Variants in SCD observed in about 807,000 individuals in gnomAD.
SCD encodes the protein acyl-CoA desaturase.
In SCD, 4 loss-of-function variants were observed where a neutral mutation model predicts 35.7. That is an observed-to-expected ratio of 0.11 (90% CI 0.06 to 0.26). The LOEUF (loss-of-function observed/expected upper bound fraction) is 0.26. SCD is among the 10% of genes least tolerant of loss of function. The pLI is 1.00. For synonymous variants in SCD, 150 were observed against 170.2 expected (o/e 0.88, Z 0.92); for missense variants, 282 against 460.7 (o/e 0.61, Z 3.55).
chr10:100,356,642 G>A lies in SCD; in HGVS notation c.758G>A (p.Arg253Gln). 2.5e-6 allele frequency: 4 copies of A among 1,614,202 alleles called. No individual in the cohort carries two copies. Among genetic ancestry groups the A allele is most frequent in the Non-Finnish European group, 3.4e-6 (4 of 1,180,020 alleles). ...AGTGTGTTCGTTGCCACTTTCTTGCGATATGCTGTGGTGCTTAATGCCACC... is the reference window on the plus strand; with the variant it reads ...AGTGTGTTCGTTGCCACTTTCTTGCAATATGCTGTGGTGCTTAATGCCACC... Reference protein sequence around the residue: ...QNSVFVATFLRYAVVLNATWL... With the variant: ...QNSVFVATFLQYAVVLNATWL... The change falls in exon 5 of 6, where the codon CGA becomes CAA. Residue 253 changes from arginine to glutamine, a missense_variant. Transcript: ENST00000370355. This position sits in a 1 kb window ranked among gnomAD's most constrained non-coding sequence, Gnocchi z 4.1.
At chr10:100,354,677 G>T (rs751552505) in intron 4 of SCD, 45 bp downstream of exon 4, 2 of 1,453,072 alleles carry the variant, frequency 1.4e-6, no homozygotes, top group African/African-American at 2.8e-5. Flanking sequence ...CCTGGCACCT[G>T]GTCATTAGGG....
In SCD at chr10:100,347,544, G is replaced by A; in HGVS notation, c.27+13G>A. ...GCTGCAGGACGATGTGAGTTTCCCA[G>A]CCTGGCCCCGTACCGCCGGGTCGCA... On this transcript the variant is annotated intron_variant, in intron 1 of 5. Coordinates refer to ENST00000370355, the MANE Select transcript of SCD (RefSeq NM_005063.5). The A allele has an allele frequency of 3.1e-6, 5 of 1,613,902 alleles. No homozygotes were observed. The highest frequency in any genetic ancestry group is 4.2e-6 in the Non-Finnish European group (5 of 1,179,962).
At chr10:100,351,618 T>G (rs1849873417) in intron 2 of SCD, among the ~76,000 whole-genome samples, 2 of 152,074 alleles carry the variant, frequency 1.3e-5, no homozygotes, top group African/African-American at 4.8e-5. Flanking sequence ...CTTCTCAAAT[T>G]GGTCAGTGCC....
At chr10:100,360,710 C>T (rs200413417) in intron 5 of SCD, 24 bp from the exon 6 acceptor site, 3 of 1,611,030 alleles carry the variant, frequency 1.9e-6, no homozygotes, top group African/African-American at 1.3e-5. Flanking sequence ...ACCGTCACTC[C>T]ATAACTTCTC....
At chr10:100,348,437 C>A in intron 2 of SCD, 91 bp downstream of exon 2, 4 of 1,303,962 alleles carry the variant, frequency 3.1e-6, no homozygotes, top group Non-Finnish European at 4.2e-6. Context: ...ACCAGCCCCT[C>A]CCAGCCTCCC....
At chr10:100,358,016 TG>T (rs1849945974) in intron 5 of SCD, among the ~76,000 whole-genome samples, 1 of 152,160 alleles carries the variant, frequency 6.6e-6, no homozygotes, top group Non-Finnish European at 1.5e-5. Flanking sequence ...TTTAAATTGT[TG>T]TTGAGACAGT....
At chr10:100,354,708 A>T in intron 4 of SCD, 76 bp downstream of exon 4, 1 of 1,134,270 alleles carries the variant, frequency 8.8e-7, no homozygotes, top group Non-Finnish European at 1.3e-6. Context: ...TTCTCCTGAG[A>T]CTTTCAAAAT....
chr10:100,349,304 G>A (rs1327878891), intron 2 of SCD, among the ~76,000 whole-genome samples: 1 of 152,196 alleles, frequency 6.6e-6, no homozygotes, highest in Non-Finnish European at 1.5e-5. Context: ...CATGCGCTTT[G>A]CAGGCTTTTT....
chr10:100,360,845 G>C lies in SCD; in HGVS notation c.992G>C (p.Gly331Ala). The C allele has an allele frequency of 6.2e-7, 1 of 1,613,926 alleles. No homozygotes were observed. The highest frequency in any genetic ancestry group is 1.1e-5 in the South Asian group (1 of 91,076). Residue 331 changes from glycine to alanine, a missense_variant, in exon 6 of 6, where the codon GGT becomes GCT. Coordinates refer to ENST00000370355, the MANE Select transcript of SCD (RefSeq NM_005063.5). ...TTCATTGATTGCATGGCCGCCCTCGGTCTGGCCTATGACCGGAAGAAAGTC... is the reference window on the plus strand; with the variant it reads ...TTCATTGATTGCATGGCCGCCCTCGCTCTGGCCTATGACCGGAAGAAAGTC... ...TFFIDCMAAL[G>A]LAYDRKKVSK...
At chr10:100,349,677 A>G (rs923366301) in intron 2 of SCD, among the ~76,000 whole-genome samples, 3 of 152,172 alleles carry the variant, frequency 2.0e-5, no homozygotes, top group Non-Finnish European at 4.4e-5. Flanking sequence ...GGAAGGTAGC[A>G]TTCCTTGGGT....
Position 100,360,722 on chromosome 10 carries a change from C to A in SCD, c.881-12C>A. 6.2e-7 allele frequency: 1 copy of A among 1,613,688 alleles called. No homozygotes were observed. The highest frequency in any genetic ancestry group is 2.2e-5 in the East Asian group (1 of 44,882). On this transcript the variant is annotated splice_polypyrimidine_tract_variant and intron_variant, in intron 5 of 5. Coordinates refer to ENST00000370355, the MANE Select transcript of SCD (RefSeq NM_005063.5). ...TGCACCGTCACTCCATAACTTCTCG[C>A]TTTTGTTTCAGGTGAGGGCTTCCAC... is the stretch of plus-strand genomic sequence containing the variant.
rs1298574792 is a variant in SCD at position 100,361,770 on chromosome 10, G to A, written c.*837G>A. On this transcript the variant is annotated 3_prime_UTR_variant, in exon 6 of 6. Coordinates refer to ENST00000370355, the MANE Select transcript of SCD (RefSeq NM_005063.5). ...CTTTTCTTTTTTTCTTTAATAACAA[G>A]GAGATTTCTTAGTTCATATATCAAG... The A allele has an allele frequency of 6.6e-6, 1 of 152,166 alleles. No individual in the cohort carries two copies. The highest frequency in any genetic ancestry group is 1.5e-5 in the Non-Finnish European group (1 of 68,030). 9.4% of individuals were successfully genotyped at this position (152,166 alleles called of 1,614,324 possible).
At position 100,362,163 on chromosome 10, in the gene SCD, G is replaced by A. The variant is rs1429564831; in HGVS notation, c.*1230G>A. 1 of 152,188 alleles carries A rather than the reference G, an allele frequency of 6.6e-6. No individual in the cohort carries two copies. The highest frequency in any genetic ancestry group is 2.4e-5 in the African/African-American group (1 of 41,442). 9.4% of individuals were successfully genotyped at this position (152,188 alleles called of 1,614,324 possible). On this transcript the variant is annotated 3_prime_UTR_variant, in exon 6 of 6. Transcript: ENST00000370355. ...GCTGGACATGAGATGGAGAGGCTGA[G>A]GGACAGGATCTATAGGCAGCTTCTA...
In SCD at chr10:100,354,433, G is replaced by A. The variant is rs771551568; in HGVS notation, c.448G>A (p.Val150Ile). 6.2e-6 allele frequency: 10 copies of A among 1,613,468 alleles called. No individual in the cohort carries two copies. In the South Asian group the frequency reaches 8.8e-5, roughly 14 times the overall value. Residue 150 changes from valine (V) to isoleucine (I), a missense_variant, in exon 4 of 6, where the codon GTC becomes ATC. Val to Ile is a conservative substitution (Grantham distance 29, BLOSUM62 3). This residue lies in a region of SCD where 205 missense variants were observed against 372.3 expected (regional missense o/e 0.55). Coordinates refer to ENST00000370355, the MANE Select transcript of SCD (RefSeq NM_005063.5). ...CTCTTCTCTCTCTCCCCAGAATGAT[G>A]TCTATGAATGGGCTCGTGACCACCG... is the stretch of plus-strand genomic sequence containing the variant. ...IANTMAFQND[V>I]YEWARDHRAH...
chr10:100,347,590 G>C, intron 1 of SCD, 59 bp downstream of exon 1: 2 of 1,604,362 alleles, frequency 1.2e-6, no homozygotes, highest in South Asian at 2.2e-5. Context: ...GGGCTTCCAG[G>C]GGACGGGTTG....
intron 2 of SCD, among the ~76,000 whole-genome samples, chr10:100,350,271 G>A (rs1021216665): frequency 6.6e-6 from 1 of 152,116 alleles, no homozygotes; most frequent in Admixed American, 6.6e-5. Flanking sequence ...AGGGTCAGAG[G>A]TCTCAACTTG....
chr10:100,351,730 T>C (rs1849874981), intron 2 of SCD, among the ~76,000 whole-genome samples: 1 of 152,128 alleles, frequency 6.6e-6, no homozygotes, highest in African/African-American at 2.4e-5. Flanking sequence ...AGCCTCGACC[T>C]CCTGAGCTCA....
rs894610960 is a variant in SCD, at chr10:100,352,975, C to G, written c.441+479C>G. ...TGCACTCCAGCCTGGGTGACAAGAC[C>G]CCAACTTTAAAAAAAAAATTTCAAA... On this transcript the variant is annotated intron_variant, in intron 3 of 5. Transcript: ENST00000370355. The surrounding 1 kb of genome is among the most constrained non-coding windows in gnomAD (Gnocchi z 4.2). Among the ~76,000 whole-genome samples the G allele has an allele frequency of 1.2e-4, 12 of 103,356 alleles. No homozygotes were observed. The highest frequency in any genetic ancestry group is 6.5e-4 in the African/African-American group (12 of 18,554). The allele number at this position is 103,356 out of a possible 152,430, so 67.8% of individuals were successfully genotyped here. A position where few individuals can be genotyped will look rare whatever the true frequency, so the allele number is the denominator to read the frequency against.
At position 100,361,409 on chromosome 10, in the gene SCD, G is replaced by T; in HGVS notation, c.*476G>T. 1 of 157,562 alleles carries T rather than the reference G, an allele frequency of 6.3e-6. No homozygotes were observed. Among genetic ancestry groups the T allele is most frequent in the Non-Finnish European group, 1.4e-5 (1 of 71,040 alleles). The allele number at this position is 157,562 out of a possible 1,614,324, so 9.8% of individuals were successfully genotyped here. On this transcript the variant is annotated 3_prime_UTR_variant, in exon 6 of 6. Transcript: ENST00000370355. ...CCCCTGTTGATTATCTTCAGCCCAG[G>T]CTTTTGCTAGATGGAATGGAAAAGC...
Sources: allele counts gnomAD v4.1 joint callset (sites outside exome capture counted in the v4.1 genomes callset), GRCh38; gene constraint gnomAD v4.1.1; regional missense constraint gnomAD v4.1.1; non-coding constraint Gnocchi (gnomAD v3.1); transcripts MANE v1.5; gene names NCBI Gene and HGNC (gene_info 2026-07-23, HGNC 2026-07-21).